Variants in UGGT2 observed in about 807,000 individuals in gnomAD.
UGGT2 encodes UDP-glucose:glycoprotein glucosyltransferase 2.
A neutral mutation model predicts 192.1 loss-of-function variants in UGGT2; 180 were observed. The ratio of observed to expected loss-of-function variants is 0.94; its 90% CI spans 0.83 to 1.06. The LOEUF (loss-of-function observed/expected upper bound fraction) is 1.06. UGGT2 is among the 50% of genes least tolerant of loss of function. The pLI is 0.00. For missense variants in UGGT2, 1,849 were observed against 1,795.7 expected (o/e 1.03, Z -0.54); for synonymous variants, 580 against 591.0 (o/e 0.98, Z 0.27).
chr13:95,975,620 G>C (rs1222009666), intron 10 of UGGT2, among the ~76,000 whole-genome samples: 1 of 152,130 alleles, frequency 6.6e-6, no homozygotes, highest in East Asian at 1.9e-4. Flanking sequence ...CCTTAAAGAA[G>C]AGGGAACCCA....
In UGGT2 at chr13:96,046,508, AG is replaced by A. The variant is rs374257048; in HGVS notation, c.158+6646del. On this transcript the variant is annotated intron_variant, in intron 1 of 38. Coordinates refer to ENST00000376747, the MANE Select transcript of UGGT2 (RefSeq NM_020121.4). ...GAGAGAGGTTCCAAGATGGCTGAATAGGAACAGCTCCAGTCTACAGCTCCTA... is the reference window on the plus strand; with the variant it reads ...GAGAGAGGTTCCAAGATGGCTGAATAGAACAGCTCCAGTCTACAGCTCCTA... Among the ~76,000 whole-genome samples, 807 of 152,364 alleles carry A rather than the reference AG, an allele frequency of 5.3e-3. 11 individuals carry two copies. The highest frequency in any genetic ancestry group is 0.019 in the African/African-American group (772 of 41,586).
intron 12 of UGGT2, among the ~76,000 whole-genome samples, chr13:95,963,930 A>C (rs1395336775): frequency 2.6e-5 from 4 of 152,212 alleles, no homozygotes; most frequent in Non-Finnish European, 5.9e-5. Flanking sequence ...TGCCCAAAGC[A>C]ATCTATAGAT....
chr13:96,040,185 A>G (rs966764687), intron 1 of UGGT2, among the ~76,000 whole-genome samples: 1 of 152,228 alleles, frequency 6.6e-6, no homozygotes, highest in Non-Finnish European at 1.5e-5. Flanking sequence ...TGTTTAACAA[A>G]TTATGAAAAA....
At chr13:95,903,997 T>C (rs1350956684) in intron 20 of UGGT2, among the ~76,000 whole-genome samples, 4 of 152,188 alleles carry the variant, frequency 2.6e-5, no homozygotes, top group Non-Finnish European at 5.9e-5. Context: ...TTTGGCTTCT[T>C]TTATGACTTG....
chr13:95,964,946 T>C (rs192456180), intron 12 of UGGT2, among the ~76,000 whole-genome samples: 482 of 152,298 alleles, frequency 3.2e-3, no homozygotes, highest in Non-Finnish European at 5.2e-3. Flanking sequence ...GAACAGATGC[T>C]TCTCAAAAGA....
Position 95,801,729 on chromosome 13 carries a change from T to G in UGGT2, c.*61A>C, listed in dbSNP as rs1884065932. 6.3e-7 allele frequency: 1 copy of G among 1,587,538 alleles called. No individual in the cohort carries two copies. The highest frequency in any genetic ancestry group is 8.6e-7 in the Non-Finnish European group (1 of 1,163,024). ...AATCGTCTCAGCAGGGGCTCCAGAC[T>G]TCCCCAGCAGGCGGCAGGTTTCCTG... is the stretch of plus-strand genomic sequence containing the variant. On this transcript the variant is annotated 3_prime_UTR_variant, in exon 39 of 39. Coordinates refer to ENST00000376747, the MANE Select transcript of UGGT2 (RefSeq NM_020121.4).
intron 8 of UGGT2, among the ~76,000 whole-genome samples, chr13:95,989,165 G>A (rs2051382281): frequency 6.6e-6 from 1 of 151,998 alleles, no homozygotes; most frequent in South Asian, 2.1e-4. Flanking sequence ...AAAAACTATT[G>A]AATGGTAGAA....
intron 4 of UGGT2, among the ~76,000 whole-genome samples, chr13:96,017,137 CT>C (rs1299604795): frequency 6.6e-6 from 1 of 152,160 alleles, no homozygotes; most frequent in African/African-American, 2.4e-5. Context: ...AAGTAAATAA[CT>C]TGTTTTGATT....
chr13:95,825,387 G>A (rs1275768790), intron 38 of UGGT2, among the ~76,000 whole-genome samples: 4 of 152,108 alleles, frequency 2.6e-5, no homozygotes, highest in Non-Finnish European at 5.9e-5. Context: ...TCTTAACAAG[G>A]GGAAGAGTGA....
At chr13:95,836,095 C>A (rs1222827276) in intron 37 of UGGT2, among the ~76,000 whole-genome samples, 1 of 152,054 alleles carries the variant, frequency 6.6e-6, no homozygotes, top group Non-Finnish European at 1.5e-5. Context: ...TGTCTCCAGG[C>A]TGGAGTGTAG....
chr13:95,907,295 C>G (rs982439516), intron 20 of UGGT2, among the ~76,000 whole-genome samples: 2 of 152,214 alleles, frequency 1.3e-5, no homozygotes, highest in Non-Finnish European at 1.5e-5. Flanking sequence ...CTCAGCGAGG[C>G]CTACTGCCTC....
At chr13:95,856,491 T>A (rs1889631430) in intron 33 of UGGT2, 151 bp from the exon 34 acceptor site, 1 of 673,124 alleles carries the variant, frequency 1.5e-6, no homozygotes, top group Admixed American at 3.5e-5. Flanking sequence ...AACATACTTA[T>A]TAATGAGAAA....
chr13:96,030,039 A>G (rs1594607376), intron 2 of UGGT2, among the ~76,000 whole-genome samples: 1 of 152,356 alleles, frequency 6.6e-6, no homozygotes, highest in Non-Finnish European at 1.5e-5. Flanking sequence ...ACTAGGACAA[A>G]TATGAGGACA....
rs546630020 is a variant in UGGT2 at position 95,830,629 on chromosome 13, A to G, written c.4528+2298T>C. On this transcript the variant is annotated intron_variant, in intron 38 of 38. Coordinates refer to ENST00000376747, the MANE Select transcript of UGGT2 (RefSeq NM_020121.4). ...GCAATCATTAAAAAGTCAGGAAACA[A>G]CAGATGCTGGAGAGGATGTGGAGAA... Among the ~76,000 whole-genome samples the G allele has an allele frequency of 3.2e-3, 485 of 152,308 alleles. 3 individuals carry two copies. Among genetic ancestry groups the G allele is most frequent in the African/African-American group, 0.011 (463 of 41,578 alleles).
chr13:95,929,972 A>C (rs2049188310), intron 17 of UGGT2, among the ~76,000 whole-genome samples: 1 of 152,162 alleles, frequency 6.6e-6, no homozygotes, highest in Non-Finnish European at 1.5e-5. Flanking sequence ...AATAACAGCC[A>C]TTCTAAATGG....
chr13:95,923,621 A>G (rs1449857451), intron 20 of UGGT2, among the ~76,000 whole-genome samples: 1 of 152,192 alleles, frequency 6.6e-6, no homozygotes, highest in Non-Finnish European at 1.5e-5. Flanking sequence ...CACATTCAAA[A>G]TTATTTATGA....
intron 29 of UGGT2, chr13:95,877,074 G>T: frequency 2.4e-6 from 1 of 419,104 alleles, no homozygotes; most frequent in Non-Finnish European, 4.2e-6. Flanking sequence ...AGTACAGATG[G>T]GGTTTTGCCA....
intron 15 of UGGT2, among the ~76,000 whole-genome samples, chr13:95,941,984 C>A (rs2140544849): frequency 6.6e-6 from 1 of 152,168 alleles, no homozygotes; most frequent in Middle Eastern, 3.4e-3. Flanking sequence ...GTTTTGTTTG[C>A]TTCTGAGCTT....
At chr13:96,007,944 G>T (rs2052032660) in intron 5 of UGGT2, among the ~76,000 whole-genome samples, 1 of 152,122 alleles carries the variant, frequency 6.6e-6, no homozygotes. Context: ...CTGGGGAAAG[G>T]ACAGTCTTTT....
Sources: gnomAD v4.1 joint callset for allele counts (sites outside exome capture counted in the v4.1 genomes callset) on GRCh38, gnomAD v4.1.1 for gene constraint, MANE v1.5 for transcripts, NCBI Gene and HGNC (gene_info 2026-07-23, HGNC 2026-07-21) for gene names.